The following TAF1 variants were observed in gnomAD, a reference collection of about 807,000 sequenced individuals.
TAF1 encodes transcription initiation factor TFIID subunit 1.
A neutral mutation model predicts 138.5 loss-of-function variants in TAF1; 2 were observed. The observed-to-expected ratio is 0.01, with a 90% confidence interval of 0.01 to 0.05. TAF1 has a LOEUF of 0.05. TAF1 is among the 10% of genes least tolerant of loss of function. TAF1 has a pLI of 1.00. For missense variants in TAF1, 709 were observed against 1,478.0 expected (o/e 0.48, Z 8.53); for synonymous variants, 437 against 503.2 (o/e 0.87, Z 1.76).
downstream of TAF1, among the ~76,000 whole-genome samples, chrX:71,468,149 TAGG>T (rs1485976454): frequency 3.7e-5 from 4 of 108,824 alleles, no homozygotes; most frequent in African/African-American, 6.7e-5. Context: ...CCCAGCTACT[TAGG>T]AGGCTGAGGT....
intron 37 of TAF1, among the ~76,000 whole-genome samples, chrX:71,463,592 T>C (rs1374933317): frequency 8.9e-6 from 1 of 112,012 alleles, no homozygotes; most frequent in African/African-American, 3.2e-5. Context: ...CAGTGTGTTG[T>C]TCAGGTGTAA....
intron 8 of TAF1, among the ~76,000 whole-genome samples, chrX:71,379,968 G>A (rs1488140730): frequency 9.1e-6 from 1 of 109,634 alleles, no homozygotes; most frequent in Non-Finnish European, 1.9e-5. Flanking sequence ...AAGTCCCTTT[G>A]TATTTAGAAT....
chrX:71,470,127 G>T (rs947848625), downstream of TAF1, among the ~76,000 whole-genome samples: 3 of 111,659 alleles, frequency 2.7e-5, no homozygotes, highest in Non-Finnish European at 5.6e-5. Flanking sequence ...TAGACAAACA[G>T]GTTAACAGAG....
Position 71,366,508 on chromosome X carries a change from C to A in TAF1, c.120+14C>A. The A allele has an allele frequency of 2.0e-5, 3 of 149,804 alleles. No homozygotes were observed. Among genetic ancestry groups the A allele is most frequent in the Non-Finnish European group, 9.2e-6 (1 of 108,316 alleles). The allele number at this position is 149,804 out of a possible 1,213,427, so 12.3% of individuals were successfully genotyped here. A position where few individuals can be genotyped will look rare whatever the true frequency, so the allele number is the denominator to read the frequency against. On this transcript the variant is annotated intron_variant, in intron 1 of 37. Transcript: ENST00000423759. ...GTCTTGGATGATGTGAGGGGGTGGG[C>A]GTGGGGGTAGGGCTCGGGGGGTGGG...
At chrX:71,498,644 C>T (rs1038300116) in intron 13 of TAF1, among the ~76,000 whole-genome samples, 1 of 110,927 alleles carries the variant, frequency 9.0e-6, no homozygotes, top group Admixed American at 9.6e-5. Context: ...ATTGTCCTTC[C>T]GATGCCCAGA....
intron 18 of TAF1, 64 bp downstream of exon 18, chrX:71,389,729 A>G: frequency 1.1e-6 from 1 of 875,025 alleles, no homozygotes; most frequent in African/African-American, 2.0e-5. Context: ...TAAAAGAGAC[A>G]GCTTTATTGA....
chrX:71,488,503 A>C (rs2039215498), intron 13 of TAF1, among the ~76,000 whole-genome samples: 1 of 108,750 alleles, frequency 9.2e-6, no homozygotes, highest in African/African-American at 3.3e-5. Context: ...TCAGCCTCCC[A>C]AAGTGCTGGT....
At position 71,445,915 on chromosome X, in the gene TAF1, A is replaced by AT. The variant is rs749778368; in HGVS notation, c.4754-8239dup. On this transcript the variant is annotated intron_variant, in intron 32 of 37. Transcript: ENST00000423759. ...GCTGGCTTGCAGACAGTTGTTCACT[A>AT]TTTTTTTTTTTTTTTTGGAGACCAA... Among the ~76,000 whole-genome samples, 218 of 93,494 alleles carry AT rather than the reference A, an allele frequency of 2.3e-3. 1 individual carries two copies. Among genetic ancestry groups the AT allele is most frequent in the Middle Eastern group, 5.4e-3 (1 of 185 alleles). The allele number at this position is 93,494 out of a possible 115,157, so 81.2% of individuals were successfully genotyped here. A position where few individuals can be genotyped will look rare whatever the true frequency, so the allele number is the denominator to read the frequency against.
chrX:71,478,279 G>A (rs1353404698), intron 13 of TAF1, among the ~76,000 whole-genome samples: 1 of 109,913 alleles, frequency 9.1e-6, no homozygotes, highest in African/African-American at 3.3e-5. Flanking sequence ...GCTTGAATTC[G>A]GGAGGTGGAG....
intron 13 of TAF1, among the ~76,000 whole-genome samples, chrX:71,511,751 C>T (rs2039734788): frequency 8.9e-6 from 1 of 111,819 alleles, no homozygotes; most frequent in South Asian, 3.7e-4. Flanking sequence ...CGCAGTGGCT[C>T]ATGCCTGTGA....
intron 32 of TAF1, among the ~76,000 whole-genome samples, chrX:71,451,750 C>T (rs1367849703): frequency 9.1e-6 from 1 of 110,228 alleles, no homozygotes; most frequent in Non-Finnish European, 1.9e-5. Context: ...CCATTTAACC[C>T]TGAGTGGACA....
intron 35 of TAF1, 82 bp downstream of exon 35, chrX:71,458,448 T>A: frequency 9.0e-7 from 1 of 1,108,832 alleles, no homozygotes; most frequent in East Asian, 3.1e-5. Flanking sequence ...GATGGTGATA[T>A]GTGACATATG....
intron 13 of TAF1, among the ~76,000 whole-genome samples, chrX:71,506,411 G>A (rs1197764345): frequency 3.0e-5 from 3 of 101,089 alleles, no homozygotes; most frequent in Admixed American, 2.2e-4. Context: ...TTGGCCAGTC[G>A]CGGTGGCTCA....
At chrX:71,503,277 A>AATATATATATATATATATGTGTATATAT (rs2039546597) in intron 13 of TAF1, among the ~76,000 whole-genome samples, 2 of 90,169 alleles carry the variant, frequency 2.2e-5, no homozygotes, top group Non-Finnish European at 4.1e-5. Flanking sequence ...TCAAAAAAAA[A>AATATATATATATATATATGTGTATATAT]ATATATATAT....
Position 71,476,817 on chromosome X carries a change from A to C in TAF1, c.1366+16014A>C, listed in dbSNP as rs189662340. ...AAGGTAGCATTGCAGATTATTCAAT[A>C]AACAGTGCTAGATCAGTTGGTTATC... On this transcript the variant is annotated intron_variant and NMD_transcript_variant, in intron 13 of 14. Transcript: ENST00000373775. Among the ~76,000 whole-genome samples, 146 of 111,705 alleles carry C rather than the reference A, an allele frequency of 1.3e-3. 1 individual carries two copies. The highest frequency in any genetic ancestry group is 2.4e-3 in the Non-Finnish European group (125 of 53,158).
Position 71,431,003 on chromosome X carries a change from ATT to A in TAF1, c.4753+6793_4753+6794del, listed in dbSNP as rs41481947. The stretch of plus-strand genomic sequence containing the variant: ...GTGTACAGGTCCAAAGCTCAGAAGA[ATT>A]TTTTTTTTTTTTTTTTTTTTTTTTT... On this transcript the variant is annotated intron_variant, in intron 32 of 37. Coordinates refer to ENST00000423759, the MANE Select transcript of TAF1 (RefSeq NM_004606.5). Among the ~76,000 whole-genome samples, 681 of 68,497 alleles carry A rather than the reference ATT, an allele frequency of 9.9e-3. 8 individuals are homozygous for A. Among genetic ancestry groups the A allele is most frequent in the African/African-American group, 0.042 (651 of 15,489 alleles). 59.5% of individuals were successfully genotyped at this position (68,497 alleles called of 115,157 possible).
At chrX:71,379,833 C>T (rs1374165534) in intron 8 of TAF1, among the ~76,000 whole-genome samples, 1 of 110,682 alleles carries the variant, frequency 9.0e-6, no homozygotes, top group Non-Finnish European at 1.9e-5. Flanking sequence ...AACTCCCGAC[C>T]TTAGGTGATC....
chrX:71,369,198 T>A (rs1398043810), intron 3 of TAF1, among the ~76,000 whole-genome samples: 2 of 111,082 alleles, frequency 1.8e-5, no homozygotes, highest in African/African-American at 6.5e-5. Context: ...GGTTTCACCA[T>A]GTTGGCCAGA....
At chrX:71,468,558 C>T (rs1362269281), downstream of TAF1, among the ~76,000 whole-genome samples, 2 of 107,604 alleles carry the variant, frequency 1.9e-5, no homozygotes, top group Admixed American at 1.0e-4. Flanking sequence ...TGGTGGCAGG[C>T]GCCTGTAATC....
Sources: gnomAD v4.1 joint callset for allele counts (sites outside exome capture counted in the v4.1 genomes callset) on GRCh38, gnomAD v4.1.1 for gene constraint, MANE v1.5 for transcripts, NCBI Gene and HGNC (gene_info 2026-07-23, HGNC 2026-07-21) for gene names.